SEMA3E: variants seen among roughly 807,000 people sequenced by gnomAD.
The protein encoded by SEMA3E is semaphorin 3E.
SEMA3E carries 49 observed loss-of-function variants against 93.6 expected under a neutral mutation model. That is an observed-to-expected ratio of 0.52 (90% confidence interval 0.42 to 0.66). SEMA3E has a LOEUF of 0.66. Ranked by LOEUF, SEMA3E falls within the 30% of genes least tolerant of loss-of-function variation. The pLI, the probability that SEMA3E is intolerant of heterozygous loss-of-function variation, is 0.00. For synonymous variants in SEMA3E, 363 were observed against 330.7 expected (o/e 1.10, Z -1.06); for missense variants, 906 against 964.8 (o/e 0.94, Z 0.81).
At chr7:83,545,738 T>C (rs1469948458) in intron 1 of SEMA3E, among the ~76,000 whole-genome samples, 1 of 149,416 alleles carries the variant, frequency 6.7e-6, no homozygotes, top group Non-Finnish European at 1.5e-5. Flanking sequence ...ACTGTATGGA[T>C]GTATATGTAT....
At chr7:83,524,708 C>T (rs145691041) in intron 1 of SEMA3E, among the ~76,000 whole-genome samples, 280 of 152,170 alleles carry the variant, frequency 1.8e-3, no homozygotes, top group African/African-American at 6.5e-3. Context: ...CTCTTTCTGT[C>T]TCTCTTTTTA....
chr7:83,557,256 T>A (rs1002097867), intron 1 of SEMA3E, among the ~76,000 whole-genome samples: 4 of 151,794 alleles, frequency 2.6e-5, no homozygotes, highest in African/African-American at 9.7e-5. Flanking sequence ...GGCATTAAAA[T>A]GAACCTTACT....
chr7:83,412,557 G>A (rs1428164143), intron 5 of SEMA3E, among the ~76,000 whole-genome samples: 1 of 151,838 alleles, frequency 6.6e-6, no homozygotes, highest in Non-Finnish European at 1.5e-5. Flanking sequence ...ATCAGCCTGG[G>A]CAACATAAAG....
At chr7:83,628,004 C>A (rs1287077720) in intron 1 of SEMA3E, among the ~76,000 whole-genome samples, 1 of 152,108 alleles carries the variant, frequency 6.6e-6, no homozygotes, top group African/African-American at 2.4e-5. Flanking sequence ...TCTTGTAAGG[C>A]AGGCCTGGTA....
chr7:83,467,658 T>G (rs1056104564), intron 3 of SEMA3E, among the ~76,000 whole-genome samples: 1 of 152,166 alleles, frequency 6.6e-6, no homozygotes, highest in African/African-American at 2.4e-5. Context: ...CAAAACTAAA[T>G]GTGTGGGGCT....
At chr7:83,385,465 A>C in intron 15 of SEMA3E, 32 bp from the exon 16 acceptor site, 1 of 1,609,716 alleles carries the variant, frequency 6.2e-7, no homozygotes, top group Non-Finnish European at 8.5e-7. Flanking sequence ...CATCTTTGAG[A>C]CTTAGATTTT....
intron 1 of SEMA3E, among the ~76,000 whole-genome samples, chr7:83,556,067 A>T (rs1223708306): frequency 1.3e-5 from 2 of 152,184 alleles, no homozygotes; most frequent in Admixed American, 1.3e-4. Flanking sequence ...GTATAACAGG[A>T]AATGTTCATA....
intron 16 of SEMA3E, among the ~76,000 whole-genome samples, chr7:83,382,251 G>T (rs1787790131): frequency 6.6e-6 from 1 of 151,980 alleles, no homozygotes; most frequent in Admixed American, 6.6e-5. Context: ...AATATCCTGT[G>T]CCTCAGTTAC....
At chr7:83,451,737 T>C (rs1259942202) in intron 4 of SEMA3E, among the ~76,000 whole-genome samples, 1 of 152,230 alleles carries the variant, frequency 6.6e-6, no homozygotes, top group African/African-American at 2.4e-5. Context: ...TTCATGTGGG[T>C]CCATTGAAAA....
intron 1 of SEMA3E, among the ~76,000 whole-genome samples, chr7:83,609,859 T>TA (rs1646041562): frequency 6.6e-6 from 1 of 151,978 alleles, no homozygotes; most frequent in Admixed American, 6.6e-5. Flanking sequence ...CTTTATTTTC[T>TA]AATGTATTTT....
intron 1 of SEMA3E, among the ~76,000 whole-genome samples, chr7:83,635,916 C>T (rs1793875088): frequency 6.6e-6 from 1 of 150,808 alleles, no homozygotes; most frequent in Non-Finnish European, 1.5e-5. Flanking sequence ...GTCAATTGGG[C>T]CTTTCTGAAA....
chr7:83,629,324 A>T (rs543194512), intron 1 of SEMA3E, among the ~76,000 whole-genome samples: 12 of 152,138 alleles, frequency 7.9e-5, no homozygotes, highest in Non-Finnish European at 1.8e-4. Context: ...CCCTTAGCAG[A>T]GCTCAAGCGC....
intron 1 of SEMA3E, among the ~76,000 whole-genome samples, chr7:83,562,420 G>T (rs1792047854): frequency 6.6e-6 from 1 of 151,666 alleles, no homozygotes; most frequent in Admixed American, 6.6e-5. Flanking sequence ...ATACTTTCAG[G>T]GCTACAGGTA....
intron 1 of SEMA3E, among the ~76,000 whole-genome samples, chr7:83,546,066 C>T (rs970525316): frequency 6.9e-6 from 1 of 145,882 alleles, no homozygotes; most frequent in African/African-American, 2.5e-5. Context: ...CACATATTAT[C>T]CCACGATGAC....
At chr7:83,602,291 T>C (rs1166444504) in intron 1 of SEMA3E, among the ~76,000 whole-genome samples, 1 of 152,196 alleles carries the variant, frequency 6.6e-6, no homozygotes, top group Non-Finnish European at 1.5e-5. Context: ...TCATATTCTC[T>C]GTCAGTTTGA....
chr7:83,565,450 A>T (rs1792125582), intron 1 of SEMA3E, among the ~76,000 whole-genome samples: 1 of 152,100 alleles, frequency 6.6e-6, no homozygotes. Context: ...GCAAGAAACC[A>T]CCATGGCACA....
chr7:83,433,104 C>T (rs1182826311), intron 4 of SEMA3E, among the ~76,000 whole-genome samples: 1 of 151,990 alleles, frequency 6.6e-6, no homozygotes, highest in African/African-American at 2.4e-5. Flanking sequence ...AATTTTTTCA[C>T]TTGAAAGACA....
intron 1 of SEMA3E, among the ~76,000 whole-genome samples, chr7:83,542,566 A>G: frequency 6.6e-6 from 1 of 152,102 alleles, no homozygotes; most frequent in Non-Finnish European, 1.5e-5. Context: ...GTATTTGAAT[A>G]GTTGACTAAA....
At chr7:83,386,879 A>G (rs997095717) in intron 15 of SEMA3E, 104 bp downstream of exon 15, 10 of 1,019,128 alleles carry the variant, frequency 9.8e-6, no homozygotes, top group African/African-American at 1.6e-5. Flanking sequence ...TTGTTCTAGT[A>G]TACATGAATC....
Sources: allele counts gnomAD v4.1 joint callset (sites outside exome capture counted in the v4.1 genomes callset), GRCh38; gene constraint gnomAD v4.1.1; transcripts MANE v1.5; gene names NCBI Gene and HGNC (gene_info 2026-07-23, HGNC 2026-07-21).